ADAM10: variants seen among roughly 807,000 people sequenced by gnomAD.
The protein encoded by ADAM10 is disintegrin and metalloproteinase domain-containing protein 10.
Under a neutral mutation model 90.1 loss-of-function variants are expected in ADAM10, and 17 were observed. The observed-to-expected ratio is 0.19, with a 90% CI of 0.13 to 0.28. ADAM10 has a LOEUF of 0.28. Among genes scored for constraint, ADAM10 ranks in the 10% least tolerant of loss-of-function variants. ADAM10 has a pLI of 1.00. For synonymous variants in ADAM10, 310 were observed against 298.6 expected, an observed-to-expected ratio of 1.04 and a Z score of -0.40; for missense variants, 610 against 914.3, an observed-to-expected ratio of 0.67 and a Z score of 4.29.
chr15:58,676,811 T>C (rs2140747173), intron 4 of ADAM10, among the ~76,000 whole-genome samples: 1 of 152,150 alleles, frequency 6.6e-6, no homozygotes, highest in East Asian at 1.9e-4. Context: ...GGCAAGGCTC[T>C]GTCTCCAAAA....
Position 58,597,483 on chromosome 15 carries a change from GT to G in ADAM10, c.*63del, listed in dbSNP as rs1894990264. The G allele has an allele frequency of 6.2e-7, 1 of 1,612,586 alleles. No individual in the cohort carries two copies. The highest frequency in any genetic ancestry group is 8.5e-7 in the Non-Finnish European group (1 of 1,179,334). ...TAGTTTGGAGATGATGACTTAATAG[GT>G]TTCTCTTTGGAGTGAAGTTTTCCCA... is the stretch of plus-strand genomic sequence containing the variant. On this transcript the variant is annotated 3_prime_UTR_variant, in exon 16 of 16. Transcript: ENST00000260408.
At chr15:58,716,025 TAGA>T (rs1374246929) in intron 2 of ADAM10, among the ~76,000 whole-genome samples, 1 of 152,154 alleles carries the variant, frequency 6.6e-6, no homozygotes, top group African/African-American at 2.4e-5. Context: ...AATGTTTATC[TAGA>T]AGAAAAGACC....
At chr15:58,737,055 CTCCT>C (rs1899454308) in intron 1 of ADAM10, among the ~76,000 whole-genome samples, 1 of 152,162 alleles carries the variant, frequency 6.6e-6, no homozygotes, top group Admixed American at 6.5e-5. Context: ...ATAACTTGGC[CTCCT>C]TGTCACAGGA....
intron 1 of ADAM10, among the ~76,000 whole-genome samples, chr15:58,720,059 G>A (rs1267927897): frequency 6.6e-6 from 1 of 152,182 alleles, no homozygotes; most frequent in African/African-American, 2.4e-5. Flanking sequence ...GTTGAATTCT[G>A]ACACTTCCTA....
At chr15:58,613,004 C>T (rs1566967261) in intron 11 of ADAM10, among the ~76,000 whole-genome samples, 1 of 152,182 alleles carries the variant, frequency 6.6e-6, no homozygotes, top group South Asian at 2.1e-4. Context: ...AGCAGGTGCT[C>T]GTAGGCCATG....
chr15:58,737,509 G>T (rs1157192165), intron 1 of ADAM10, among the ~76,000 whole-genome samples: 1 of 152,094 alleles, frequency 6.6e-6, no homozygotes, highest in Non-Finnish European at 1.5e-5. Flanking sequence ...ACTACTATTT[G>T]ACTTTCCTGA....
intron 14 of ADAM10, chr15:58,609,630 A>AT (rs1895381828): frequency 1.3e-5 from 2 of 154,278 alleles, no homozygotes; most frequent in Admixed American, 6.4e-5. Flanking sequence ...ATTCTCAAAT[A>AT]TATCATTTGC....
rs1480283477 is a variant in ADAM10 at position 58,593,007 on chromosome 15, T to C, written c.*4540A>G. On this transcript the variant is annotated 3_prime_UTR_variant, in exon 16 of 16. Coordinates refer to ENST00000260408, the MANE Select transcript of ADAM10 (RefSeq NM_001110.4). ...AAATTGGTTAAGAAAAAAAAAAACA[T>C]ACATCCACAGAAATATTTAGAGTAG... 2 of 149,406 alleles carry C rather than the reference T, an allele frequency of 1.3e-5. No homozygotes were observed. Among genetic ancestry groups the C allele is most frequent in the Admixed American group, 6.7e-5 (1 of 15,012 alleles). 9.3% of individuals were successfully genotyped at this position (149,406 alleles called of 1,614,324 possible). A position where few individuals can be genotyped will look rare whatever the true frequency, so the allele number is the denominator to read the frequency against.
intron 2 of ADAM10, among the ~76,000 whole-genome samples, chr15:58,709,466 C>A (rs543835111): frequency 1.3e-5 from 2 of 152,288 alleles, no homozygotes; most frequent in South Asian, 4.1e-4. Context: ...TGGCCAGGCA[C>A]GGTGACTCAC....
At chr15:58,603,746 G>A (rs1895179850) in intron 14 of ADAM10, among the ~76,000 whole-genome samples, 1 of 151,806 alleles carries the variant, frequency 6.6e-6, no homozygotes. Context: ...GCAAAAACTT[G>A]AGCACACGAT....
rs1212652805 is a variant in ADAM10 at position 58,597,432 on chromosome 15, T to G, written c.*115A>C. The G allele has an allele frequency of 3.8e-6, 6 of 1,573,208 alleles. No individual in the cohort carries two copies. Among genetic ancestry groups the G allele is most frequent in the Middle Eastern group, 3.3e-4 (2 of 5,984 alleles). On this transcript the variant is annotated 3_prime_UTR_variant, in exon 16 of 16. Coordinates refer to ENST00000260408, the MANE Select transcript of ADAM10 (RefSeq NM_001110.4). ...TGAGGATATGATCTCTTGCCATTTTTTCTTCAACTGTTACTTGTGAGGGTT... is the reference window on the plus strand; with the variant it reads ...TGAGGATATGATCTCTTGCCATTTTGTCTTCAACTGTTACTTGTGAGGGTT...
chr15:58,685,486 T>TAAAC (rs1365558419), intron 2 of ADAM10, among the ~76,000 whole-genome samples: 4 of 98,322 alleles, frequency 4.1e-5, no homozygotes, highest in African/African-American at 2.3e-4. Flanking sequence ...AATAAATAAA[T>TAAAC]AAGATACAAA....
At chr15:58,644,393 C>A (rs1296368409) in intron 6 of ADAM10, among the ~76,000 whole-genome samples, 3 of 151,970 alleles carry the variant, frequency 2.0e-5, no homozygotes, top group African/African-American at 7.3e-5. Context: ...CCATGCCCAG[C>A]TAATTTTTGT....
At chr15:58,615,291 A>C (rs1030997178) in intron 11 of ADAM10, among the ~76,000 whole-genome samples, 1,909 of 151,856 alleles carry the variant, frequency 0.013, 23 homozygotes, top group East Asian at 0.03. Context: ...AAAAAAAAAA[A>C]AAAAAACCAG....
intron 1 of ADAM10, among the ~76,000 whole-genome samples, chr15:58,727,145 C>T (rs146177132): frequency 6.9e-6 from 1 of 144,010 alleles, no homozygotes; most frequent in African/African-American, 2.6e-5. Flanking sequence ...TAACTGGAAA[C>T]TGGTGCACCA....
chr15:58,663,414 G>T (rs1056694985), intron 5 of ADAM10, among the ~76,000 whole-genome samples: 1 of 151,980 alleles, frequency 6.6e-6, no homozygotes, highest in Non-Finnish European at 1.5e-5. Context: ...TTTTTATTCC[G>T]CTAGTTAATT....
intron 2 of ADAM10, among the ~76,000 whole-genome samples, chr15:58,694,831 T>C (rs557613690): frequency 1.3e-5 from 2 of 151,950 alleles, no homozygotes; most frequent in East Asian, 3.9e-4. Flanking sequence ...TGATATGTAA[T>C]TCTGGAACAG....
At chr15:58,638,391 G>A (rs908348856) in intron 8 of ADAM10, among the ~76,000 whole-genome samples, 259 of 151,688 alleles carry the variant, frequency 1.7e-3, no homozygotes, top group African/African-American at 5.9e-3. Context: ...AGAGGCGGGC[G>A]GATCACGAGG....
At position 58,664,314 on chromosome 15, in the gene ADAM10, G is replaced by A. The variant is rs188674318; in HGVS notation, c.585+783C>T. On this transcript the variant is annotated intron_variant, in intron 5 of 15. Transcript: ENST00000260408. ...GTCTCCAATTAAACGATAACCTTTT[G>A]AGAATAGCCTTCATCTTAATCTCCA... 3.2e-3 allele frequency among the ~76,000 whole-genome samples: 490 copies of A among 152,094 alleles called. 1 individual carries two copies. Among genetic ancestry groups the A allele is most frequent in the Non-Finnish European group, 5.7e-3 (390 of 67,946 alleles).
Sources: gnomAD v4.1 joint callset for allele counts (sites outside exome capture counted in the v4.1 genomes callset) on GRCh38, gnomAD v4.1.1 for gene constraint, MANE v1.5 for transcripts, NCBI Gene and HGNC (gene_info 2026-07-23, HGNC 2026-07-21) for gene names.